Variants in DDX52 observed in about 807,000 individuals in gnomAD.
The protein encoded by DDX52 is probable ATP-dependent RNA helicase DDX52.
A neutral mutation model predicts 76.1 loss-of-function variants in DDX52; 59 were observed. The ratio of observed to expected loss-of-function variants is 0.78; its 90% CI spans 0.63 to 0.96. The LOEUF (loss-of-function observed/expected upper bound fraction) is 0.96. Among genes scored for constraint, DDX52 ranks in the 40% least tolerant of loss-of-function variants. The pLI is 0.00. For synonymous variants in DDX52, 231 were observed against 244.1 expected, an observed-to-expected ratio of 0.95 and a Z score of 0.50; for missense variants, 707 against 703.9, an observed-to-expected ratio of 1.00 and a Z score of -0.05.
intron 9 of DDX52, among the ~76,000 whole-genome samples, chr17:37,622,301 C>CTT (rs141136978): frequency 1.3e-3 from 185 of 144,602 alleles, no homozygotes; most frequent in Middle Eastern, 7.0e-3. Context: ...CTTTTTTTTT[C>CTT]TTTTTTTTTT....
At chr17:37,634,388 TTGGGAGGCCAAGG>T (rs1231534571) in intron 2 of DDX52, among the ~76,000 whole-genome samples, 3 of 151,666 alleles carry the variant, frequency 2.0e-5, no homozygotes, top group African/African-American at 7.3e-5. Context: ...TCCCAGCACT[TTGGGAGGCCAAGG>T]TGGGTGGATC....
At chr17:37,623,282 G>A (rs994879582) in intron 9 of DDX52, among the ~76,000 whole-genome samples, 2 of 152,008 alleles carry the variant, frequency 1.3e-5, no homozygotes, top group Non-Finnish European at 1.5e-5. Context: ...ACAATTAGCC[G>A]GGCATGGTGG....
chr17:37,641,090 T>C (rs943999953), intron 2 of DDX52, among the ~76,000 whole-genome samples: 2 of 151,904 alleles, frequency 1.3e-5, no homozygotes, highest in Non-Finnish European at 1.5e-5. Flanking sequence ...CAGTAAAGCA[T>C]ACAAAAATAT....
Position 37,643,382 on chromosome 17 carries a change from C to T in DDX52, c.39G>A (p.Gly13=), listed in dbSNP as rs893436099. 11 of 1,613,906 alleles carry T rather than the reference C, an allele frequency of 6.8e-6. No individual in the cohort carries two copies. The highest frequency in any genetic ancestry group is 9.3e-6 in the Non-Finnish European group (11 of 1,179,940). ...AGAAGCGTCTCGTGTCGAATTTGGC[C>T]CCCGCGCCGAGCCGGCGAAAGAGAT... The part of the protein sequence containing the change: ...VHDLFRRLGA[G]AKFDTRRFSA... Residue 13 remains glycine, a synonymous_variant, in exon 1 of 15, where the codon GGG becomes GGA. Transcript: ENST00000617633.
Position 37,633,595 on chromosome 17 carries a change from G to A in DDX52, c.287-177C>T, listed in dbSNP as rs144511826. Among the ~76,000 whole-genome samples, 1,380 of 151,324 alleles carry A rather than the reference G, an allele frequency of 9.1e-3. 10 individuals are homozygous for A. Among genetic ancestry groups the A allele is most frequent in the Middle Eastern group, 0.017 (5 of 294 alleles). ...CATTTGAGCCTGGGAGGTTGAGGCTGCAGACAGCTGTGATCATGCCACTGC... is the reference window on the plus strand; with the variant it reads ...CATTTGAGCCTGGGAGGTTGAGGCTACAGACAGCTGTGATCATGCCACTGC... On this transcript the variant is annotated intron_variant, in intron 2 of 14. Transcript: ENST00000617633.
rs200545664 is a variant in DDX52, at chr17:37,611,956, C to CAAAAA, written c.*2335_*2339dup. 8.3e-3 allele frequency: 531 copies of CAAAAA among 64,250 alleles called. 3 individuals are homozygous for CAAAAA. The highest frequency in any genetic ancestry group is 0.025 in the African/African-American group (493 of 19,938). 4.0% of individuals were successfully genotyped at this position (64,250 alleles called of 1,614,324 possible). A position where few individuals can be genotyped will look rare whatever the true frequency, so the allele number is the denominator to read the frequency against. On this transcript the variant is annotated 3_prime_UTR_variant, in exon 15 of 15. Transcript: ENST00000617633. ...AAATTAGGTAACAGACCCTGTTTCT[C>CAAAAA]AAAAAAAAAAAAAAAAACAAAACAA...
intron 2 of DDX52, 142 bp from the exon 3 acceptor site, chr17:37,633,560 T>G (rs2030787192): frequency 2.0e-6 from 1 of 492,448 alleles, no homozygotes; most frequent in Non-Finnish European, 3.0e-6. Context: ...GGAGGCTGAG[T>G]GGGGAGGATC....
intron 5 of DDX52, among the ~76,000 whole-genome samples, chr17:37,629,371 A>G (rs1042473253): frequency 3.3e-5 from 5 of 149,590 alleles, no homozygotes; most frequent in African/African-American, 1.3e-4. Context: ...TTTCCCTTCT[A>G]AAAAAAACAA....
chr17:37,621,623 GTA>G, intron 9 of DDX52, 103 bp from the exon 10 acceptor site: 1 of 1,432,052 alleles, frequency 7.0e-7, no homozygotes, highest in Non-Finnish European at 9.2e-7. Flanking sequence ...TCAATTTAGT[GTA>G]CTTTCTTGGC....
rs574421986 is a variant in DDX52 at position 37,614,269 on chromosome 17, C to T, written c.*27G>A. 81 of 1,606,564 alleles carry T rather than the reference C, an allele frequency of 5.0e-5. 1 individual carries two copies. In the East Asian group the frequency reaches 1.4e-3, roughly 28 times the overall value. On this transcript the variant is annotated 3_prime_UTR_variant, in exon 15 of 15. Coordinates refer to ENST00000617633, the MANE Select transcript of DDX52 (RefSeq NM_007010.5). ...ATGCTGGGATCATAAAATTACATTT[C>T]TGGGACAGTATTTTTAAAGTCTGTT...
intron 2 of DDX52, among the ~76,000 whole-genome samples, chr17:37,640,780 G>A (rs918058233): frequency 1.3e-5 from 2 of 151,220 alleles, no homozygotes; most frequent in Non-Finnish European, 2.9e-5. Flanking sequence ...GAGGTCAGGA[G>A]TTCAAGACCA....
In DDX52 at chr17:37,630,192, T is replaced by C; in HGVS notation, c.604-19A>G. The C allele has an allele frequency of 1.9e-6, 3 of 1,577,566 alleles. No homozygotes were observed. Among genetic ancestry groups the C allele is most frequent in the Non-Finnish European group, 2.6e-6 (3 of 1,166,744 alleles). ...CCCGACCCTAAAAACATAGGGTATATTAAATACTACAAAGAAAGTACATAA... is the reference window on the plus strand; with the variant it reads ...CCCGACCCTAAAAACATAGGGTATACTAAATACTACAAAGAAAGTACATAA... On this transcript the variant is annotated intron_variant, in intron 4 of 14. Transcript: ENST00000617633.
chr17:37,619,902 AC>A, intron 12 of DDX52, 63 bp from the exon 13 acceptor site: 1 of 1,526,208 alleles, frequency 6.6e-7, no homozygotes, highest in Non-Finnish European at 9.0e-7. Context: ...ATGAATGTAA[AC>A]CCTCTGCACA....
chr17:37,616,470 T>C (rs1036594850), intron 14 of DDX52, among the ~76,000 whole-genome samples: 1 of 152,064 alleles, frequency 6.6e-6, no homozygotes, highest in Non-Finnish European at 1.5e-5. Context: ...TTGGCCAACA[T>C]GGTGAAACCC....
chr17:37,636,900 T>C (rs2030954383), intron 2 of DDX52, among the ~76,000 whole-genome samples: 2 of 152,164 alleles, frequency 1.3e-5, no homozygotes, highest in African/African-American at 4.8e-5. Flanking sequence ...GACATCTGAG[T>C]GTATATAACC....
At chr17:37,633,442 A>G (rs764154074) in intron 2 of DDX52, 24 bp from the exon 3 acceptor site, 11 of 1,525,706 alleles carry the variant, frequency 7.2e-6, no homozygotes, top group South Asian at 2.6e-5. Context: ...TTAAAAAGTA[A>G]AAGATTTTAA....
chr17:37,639,899 TAAAGGTTTTATCAA>T (rs368546748), intron 2 of DDX52, among the ~76,000 whole-genome samples: 227 of 152,328 alleles, frequency 1.5e-3, no homozygotes, highest in African/African-American at 5.2e-3. Flanking sequence ...TTCTTATTGG[TAAAGGTTTTATCAA>T]ACTTCCTTGC....
In DDX52 at chr17:37,630,217, A is replaced by C. The variant is rs763604053; in HGVS notation, c.604-44T>G. On this transcript the variant is annotated intron_variant, in intron 4 of 14. Transcript: ENST00000617633. The stretch of plus-strand genomic sequence containing the variant: ...TTAAATACTACAAAGAAAGTACATA[A>C]ATTTTTCAGAGCCTGGTCAAATAAC... The C allele has an allele frequency of 3.3e-6, 5 of 1,501,652 alleles. No individual in the cohort carries two copies. In the Admixed American group the frequency reaches 9.7e-5, roughly 29 times the overall value. 93.0% of individuals were successfully genotyped at this position (1,501,652 alleles called of 1,614,324 possible).
rs2031239654 is a variant in DDX52, at chr17:37,642,254, A to T, written c.142T>A (p.Phe48Ile). Reference sequence around the variant, plus strand: ...GGGACAGACTTCTTGTTTCCAAAAAAGTCCAGTCCCTGAAGCACCTCCGAA... The same window carrying T: ...GGGACAGACTTCTTGTTTCCAAAAATGTCCAGTCCCTGAAGCACCTCCGAA... ...DSSEVLQGLD[F>I]FGNKKSVPGV... The change falls in exon 2 of 15, where the codon TTT becomes ATT. Residue 48 changes from phenylalanine (F) to isoleucine (I), a missense_variant. Phe to Ile is a conservative substitution (Grantham distance 21, BLOSUM62 0). Coordinates refer to ENST00000617633, the MANE Select transcript of DDX52 (RefSeq NM_007010.5). The T allele has an allele frequency of 6.2e-7, 1 of 1,614,162 alleles. No homozygotes were observed.
Sources: gnomAD v4.1 joint callset for allele counts (sites outside exome capture counted in the v4.1 genomes callset) on GRCh38, gnomAD v4.1.1 for gene constraint, MANE v1.5 for transcripts, NCBI Gene and HGNC (gene_info 2026-07-23, HGNC 2026-07-21) for gene names.